The following PLXNA4 variants were observed in gnomAD, a reference collection of about 807,000 sequenced individuals.
The protein encoded by PLXNA4 is plexin-A4.
PLXNA4 carries 44 observed loss-of-function variants against 191.8 expected under a neutral mutation model. The observed-to-expected ratio is 0.23, with a 90% CI of 0.18 to 0.29. PLXNA4 has a LOEUF of 0.29. PLXNA4 is among the 10% of genes least tolerant of loss of function. The probability of loss-of-function intolerance (pLI) is 1.00; values close to 1 mark genes in which losing one functional copy is unlikely to be tolerated. For synonymous variants in PLXNA4, 1,082 were observed against 1,009.5 expected (o/e 1.07, Z -1.36); for missense variants, 1,800 against 2,488.8 (o/e 0.72, Z 5.89).
chr7:132,262,900 G>A (rs977155613), intron 4 of PLXNA4, among the ~76,000 whole-genome samples: 8 of 152,244 alleles, frequency 5.3e-5, no homozygotes, highest in East Asian at 1.9e-4. Flanking sequence ...ACAACTCTGC[G>A]TAACACCACA....
intron 3 of PLXNA4, among the ~76,000 whole-genome samples, chr7:132,362,108 T>C (rs1012732391): frequency 2.6e-5 from 4 of 152,080 alleles, no homozygotes; most frequent in African/African-American, 9.7e-5. Flanking sequence ...ATAGGTCCTC[T>C]CCCCTCCCCT....
At chr7:132,463,130 C>T (rs984735012) in intron 3 of PLXNA4, among the ~76,000 whole-genome samples, 1 of 152,006 alleles carries the variant, frequency 6.6e-6, no homozygotes, top group Non-Finnish European at 1.5e-5. Context: ...GGATTACAGG[C>T]GTGAGCCATC....
chr7:132,590,246 G>A (rs577827151), intron 2 of PLXNA4, among the ~76,000 whole-genome samples: 5 of 152,222 alleles, frequency 3.3e-5, no homozygotes, highest in Non-Finnish European at 7.3e-5. Flanking sequence ...ACTGAGGAAG[G>A]AAGGTGCCGA....
chr7:132,526,562 A>G (rs1166678323), intron 1 of PLXNA4, among the ~76,000 whole-genome samples: 1 of 152,140 alleles, frequency 6.6e-6, no homozygotes, highest in Non-Finnish European at 1.5e-5. Flanking sequence ...TTTGACTTCT[A>G]AGGTGCCCTG....
At chr7:132,392,633 C>T (rs376895805) in intron 3 of PLXNA4, among the ~76,000 whole-genome samples, 47 of 152,342 alleles carry the variant, frequency 3.1e-4, no homozygotes, top group African/African-American at 6.7e-4. Flanking sequence ...TGAGGTGTGG[C>T]GCAGAGCTGA....
intron 2 of PLXNA4, among the ~76,000 whole-genome samples, chr7:132,592,510 T>A (rs934295128): frequency 8.7e-6 from 1 of 114,584 alleles, no homozygotes; most frequent in Non-Finnish European, 1.8e-5. Flanking sequence ...TTCATTTATT[T>A]AATTTAACCT....
chr7:132,353,447 C>CATAT (rs59890004), intron 3 of PLXNA4, among the ~76,000 whole-genome samples: 5,375 of 149,584 alleles, frequency 0.036, 330 homozygotes, highest in African/African-American at 0.12. Context: ...TTCTATGCAA[C>CATAT]ATATATATAT....
At chr7:132,273,718 T>C (rs1166458038) in intron 4 of PLXNA4, among the ~76,000 whole-genome samples, 2 of 152,102 alleles carry the variant, frequency 1.3e-5, no homozygotes, top group Admixed American at 6.5e-5. Flanking sequence ...TTTCCCCCCA[T>C]TTATAAAATG....
Position 132,123,903 on chromosome 7 carries a change from G to GCAT in PLXNA4, c.*6573_*6575dup, listed in dbSNP as rs764155275. 2 of 152,294 alleles carry GCAT rather than the reference G, an allele frequency of 1.3e-5. No homozygotes were observed. Among genetic ancestry groups the GCAT allele is most frequent in the African/African-American group, 2.4e-5 (1 of 41,462 alleles). 9.4% of individuals were successfully genotyped at this position (152,294 alleles called of 1,614,324 possible). A position where few individuals can be genotyped will look rare whatever the true frequency, so the allele number is the denominator to read the frequency against. On this transcript the variant is annotated 3_prime_UTR_variant, in exon 32 of 32. Coordinates refer to ENST00000321063, the MANE Select transcript of PLXNA4 (RefSeq NM_020911.2). Reference sequence around the variant, plus strand: ...GTCCTCTGGCTGGGCCAAAACCCCTGCATCATCCCCACACGTCGGCTCGCT... The same window carrying GCAT: ...GTCCTCTGGCTGGGCCAAAACCCCTGCATCATCATCCCCACACGTCGGCTCGCT...
intron 10 of PLXNA4, among the ~76,000 whole-genome samples, chr7:132,206,146 T>C (rs1446858952): frequency 6.6e-6 from 1 of 152,128 alleles, no homozygotes; most frequent in Non-Finnish European, 1.5e-5. Context: ...AGTTTCCCCA[T>C]TGGTAAAGTG....
intron 3 of PLXNA4, among the ~76,000 whole-genome samples, chr7:132,329,230 G>C (rs1471750300): frequency 6.6e-6 from 1 of 152,148 alleles, no homozygotes; most frequent in African/African-American, 2.4e-5. Flanking sequence ...ATGCCTTCCT[G>C]TAGGTGGAAT....
chr7:132,401,660 C>T (rs971457304), intron 3 of PLXNA4, among the ~76,000 whole-genome samples: 3 of 152,094 alleles, frequency 2.0e-5, no homozygotes, highest in African/African-American at 7.2e-5. Flanking sequence ...GGAAAGGGCC[C>T]TCTAAGCCAA....
intron 16 of PLXNA4, 69 bp from the exon 17 acceptor site, chr7:132,182,259 T>C: frequency 6.3e-7 from 1 of 1,587,628 alleles, no homozygotes. Context: ...TCTACAATGA[T>C]GACTGAGCTA....
At chr7:132,444,272 GAGA>G (rs764125914) in intron 3 of PLXNA4, among the ~76,000 whole-genome samples, 37 of 152,160 alleles carry the variant, frequency 2.4e-4, no homozygotes, top group East Asian at 1.2e-3. Context: ...TTCTTTTTTT[GAGA>G]AGAAGTCTCT....
intron 5 of PLXNA4, among the ~76,000 whole-genome samples, chr7:132,233,900 C>T (rs1278592473): frequency 4.8e-5 from 7 of 145,422 alleles, no homozygotes; most frequent in Non-Finnish European, 6.0e-5. Context: ...TGTAAATGTT[C>T]GTTTTTTTCC....
intron 1 of PLXNA4, among the ~76,000 whole-genome samples, chr7:132,534,346 C>A (rs774366246): frequency 2.0e-4 from 30 of 152,132 alleles, no homozygotes; most frequent in Non-Finnish European, 3.4e-4. Flanking sequence ...ACCATTAGAC[C>A]CCCTCCCCTC....
At chr7:132,225,667 A>G (rs1798297458) in intron 8 of PLXNA4, among the ~76,000 whole-genome samples, 1 of 151,082 alleles carries the variant, frequency 6.6e-6, no homozygotes, top group South Asian at 2.1e-4. Context: ...GCCTGTCTGC[A>G]CTCAGCCTGG....
intron 1 of PLXNA4, among the ~76,000 whole-genome samples, chr7:132,542,985 G>A (rs1264399454): frequency 6.6e-6 from 1 of 152,080 alleles, no homozygotes; most frequent in Non-Finnish European, 1.5e-5. Context: ...CAGGAAACCT[G>A]TGAGTCTATT....
intron 3 of PLXNA4, among the ~76,000 whole-genome samples, chr7:132,347,345 C>T (rs1365855965): frequency 6.6e-6 from 1 of 152,140 alleles, no homozygotes; most frequent in Non-Finnish European, 1.5e-5. Context: ...AGGCCAAGGC[C>T]ACTTTCATCA....
Sources: gnomAD v4.1 joint callset for allele counts (sites outside exome capture counted in the v4.1 genomes callset) on GRCh38, gnomAD v4.1.1 for gene constraint, MANE v1.5 for transcripts, NCBI Gene and HGNC (gene_info 2026-07-23, HGNC 2026-07-21) for gene names.